The following FBXL17 variants were observed in gnomAD, a reference collection of about 807,000 sequenced individuals.
FBXL17 encodes F-box and leucine rich repeat protein 17.
FBXL17 carries 22 observed loss-of-function variants against 66.2 expected under a neutral mutation model. The ratio of observed to expected loss-of-function variants is 0.33; its 90% CI spans 0.24 to 0.47. The LOEUF is 0.47. Among genes scored for constraint, FBXL17 ranks in the 20% least tolerant of loss-of-function variants. The probability of loss-of-function intolerance (pLI) is 1.00; values close to 1 mark genes in which losing one functional copy is unlikely to be tolerated. For synonymous variants in FBXL17, 474 were observed against 400.5 expected, an observed-to-expected ratio of 1.18 and a Z score of -2.19; for missense variants, 878 against 948.2, an observed-to-expected ratio of 0.93 and a Z score of 0.97.
chr5:108,275,611 A>G (rs1757453397), intron 4 of FBXL17, among the ~76,000 whole-genome samples: 1 of 152,198 alleles, frequency 6.6e-6, no homozygotes, highest in African/African-American at 2.4e-5. Flanking sequence ...AACTATATAA[A>G]TAGTTCTTGA....
chr5:107,972,596 G>A (rs560591724), intron 7 of FBXL17, among the ~76,000 whole-genome samples: 11 of 152,156 alleles, frequency 7.2e-5, no homozygotes, highest in African/African-American at 1.7e-4. Flanking sequence ...TCTTCTACAG[G>A]GATGGAGAAC....
intron 6 of FBXL17, among the ~76,000 whole-genome samples, chr5:108,168,111 C>T (rs929000685): frequency 2.0e-5 from 3 of 152,102 alleles, no homozygotes; most frequent in Non-Finnish European, 4.4e-5. Context: ...TTGTGAATGT[C>T]AAAAGTAGTC....
intron 2 of FBXL17, 107 bp from the exon 3 acceptor site, chr5:108,365,102 G>A (rs1457110082): frequency 4.2e-6 from 3 of 721,312 alleles, no homozygotes; most frequent in Admixed American, 2.9e-5. Context: ...TTAGATTATA[G>A]CATGAACGAT....
chr5:107,966,186 C>G (rs1423902276), intron 7 of FBXL17, among the ~76,000 whole-genome samples: 1 of 152,146 alleles, frequency 6.6e-6, no homozygotes, highest in Non-Finnish European at 1.5e-5. Flanking sequence ...CTCTTGCAAG[C>G]CATTGCGTTG....
chr5:108,201,385 G>A (rs1753887519), intron 5 of FBXL17, among the ~76,000 whole-genome samples: 1 of 152,110 alleles, frequency 6.6e-6, no homozygotes, highest in Admixed American at 6.6e-5. Context: ...CCCTGTGGCT[G>A]ATTGTGGTAG....
At chr5:108,141,890 T>C (rs1186183397) in intron 6 of FBXL17, among the ~76,000 whole-genome samples, 2 of 152,232 alleles carry the variant, frequency 1.3e-5, no homozygotes, top group Non-Finnish European at 2.9e-5. Context: ...GAATCATTTC[T>C]GACCTCACTA....
chr5:108,318,413 CAAAT>C (rs1183975050), intron 4 of FBXL17, among the ~76,000 whole-genome samples: 1 of 151,466 alleles, frequency 6.6e-6, no homozygotes, highest in Non-Finnish European at 1.5e-5. Flanking sequence ...TTTTGATTTC[CAAAT>C]AAATCCCAAA....
intron 6 of FBXL17, among the ~76,000 whole-genome samples, chr5:108,070,862 G>C (rs1748302127): frequency 6.6e-6 from 1 of 152,070 alleles, no homozygotes; most frequent in Non-Finnish European, 1.5e-5. Flanking sequence ...CTACCACTGG[G>C]AACTGCAATT....
At chr5:108,299,459 A>G in intron 4 of FBXL17, 2 of 937,026 alleles carry the variant, frequency 2.1e-6, no homozygotes, top group Non-Finnish European at 2.5e-6. Context: ...TAGATATAGA[A>G]AAGTACTTAA....
intron 6 of FBXL17, among the ~76,000 whole-genome samples, chr5:108,055,280 G>GGA (rs1747643433): frequency 4.2e-5 from 1 of 23,692 alleles, no homozygotes; most frequent in Non-Finnish European, 7.9e-5. Context: ...AGAATTTTTA[G>GGA]AAAAAAAAAA....
At chr5:107,935,426 T>TGTGA (rs1410815519) in intron 7 of FBXL17, among the ~76,000 whole-genome samples, 2 of 151,690 alleles carry the variant, frequency 1.3e-5, no homozygotes, top group Non-Finnish European at 1.5e-5. Context: ...TGTGTGTGTG[T>TGTGA]GTGTATGTGT....
At chr5:108,295,405 T>C (rs1316162093) in intron 4 of FBXL17, among the ~76,000 whole-genome samples, 1 of 152,028 alleles carries the variant, frequency 6.6e-6, no homozygotes, top group Non-Finnish European at 1.5e-5. Context: ...AGTATTCTTA[T>C]AACATAAATA....
chr5:107,865,247 C>T (rs182899009), intron 8 of FBXL17, among the ~76,000 whole-genome samples: 2 of 152,030 alleles, frequency 1.3e-5, no homozygotes, highest in Admixed American at 1.3e-4. Context: ...TTTTGGAGGG[C>T]CAATTAATTT....
intron 8 of FBXL17, chr5:107,879,170 G>T (rs1409449615): frequency 1.0e-6 from 1 of 985,264 alleles, no homozygotes; most frequent in Non-Finnish European, 1.2e-6. Context: ...AGATGGAGCT[G>T]ATCTTAACCA....
At chr5:107,974,927 T>A (rs1003538932) in intron 7 of FBXL17, among the ~76,000 whole-genome samples, 2 of 152,190 alleles carry the variant, frequency 1.3e-5, no homozygotes, top group African/African-American at 4.8e-5. Flanking sequence ...CTTGGAGTTG[T>A]ATAAACATAC....
intron 3 of FBXL17, among the ~76,000 whole-genome samples, chr5:108,358,842 G>A (rs1309393628): frequency 6.6e-6 from 1 of 151,944 alleles, no homozygotes; most frequent in East Asian, 1.9e-4. Flanking sequence ...TTTTTTAACT[G>A]ATTCAATCTC....
Position 108,381,520 on chromosome 5 carries a change from G to T in FBXL17, c.172C>A (p.Pro58Thr). 1 of 1,413,266 alleles carries T rather than the reference G, an allele frequency of 7.1e-7. No homozygotes were observed. The highest frequency in any genetic ancestry group is 9.1e-7 in the Non-Finnish European group (1 of 1,093,176). The allele number at this position is 1,413,266 out of a possible 1,614,324, so 87.5% of individuals were successfully genotyped here. A position where few individuals can be genotyped will look rare whatever the true frequency, so the allele number is the denominator to read the frequency against. Reference protein sequence around the residue: ...PRSRDCFFRGPCMLCFIVHSP... With the variant: ...PRSRDCFFRGTCMLCFIVHSP... The stretch of plus-strand genomic sequence containing the variant: ...TGCACGATGAAGCAGAGCATGCAGG[G>T]CCCGCGGAAGAAGCAGTCCCGGCTC... The change falls in exon 1 of 9, where the codon CCC becomes ACC. Residue 58 changes from proline (P) to threonine (T), a missense_variant. This residue lies in a region of FBXL17 where 605 missense variants were observed against 509.5 expected (regional missense o/e 1.19). Coordinates refer to ENST00000542267, the MANE Select transcript of FBXL17 (RefSeq NM_001163315.3).
chr5:108,332,345 G>A (rs533518048), intron 4 of FBXL17, among the ~76,000 whole-genome samples: 27 of 152,176 alleles, frequency 1.8e-4, no homozygotes, highest in Non-Finnish European at 2.8e-4. Flanking sequence ...ATTCTATGTT[G>A]CCAAGGTCCG....
At chr5:108,029,190 G>C (rs1364146222) in intron 6 of FBXL17, among the ~76,000 whole-genome samples, 1 of 152,102 alleles carries the variant, frequency 6.6e-6, no homozygotes, top group Admixed American at 6.6e-5. Context: ...CTGCAAGCAG[G>C]ATGGCAGAAT....
Sources: gnomAD v4.1 joint callset for allele counts (sites outside exome capture counted in the v4.1 genomes callset) on GRCh38, gnomAD v4.1.1 for gene constraint, gnomAD v4.1.1 regional missense constraint, MANE v1.5 for transcripts, NCBI Gene and HGNC (gene_info 2026-07-23, HGNC 2026-07-21) for gene names.